Variants in PSMD14 observed in about 807,000 individuals in gnomAD.
PSMD14 encodes the protein proteasome 26S subunit, non-ATPase 14.
A neutral mutation model predicts 41.2 loss-of-function variants in PSMD14; 7 were observed. The ratio of observed to expected loss-of-function variants is 0.17; its 90% confidence interval spans 0.10 to 0.32. PSMD14 has a LOEUF of 0.32. Ranked by LOEUF, PSMD14 falls within the 10% of genes least tolerant of loss-of-function variation. The pLI, the probability that PSMD14 is intolerant of heterozygous loss-of-function variation, is 1.00. For missense variants in PSMD14, 139 were observed against 375.6 expected (o/e 0.37, Z 5.21); for synonymous variants, 114 against 122.3 (o/e 0.93, Z 0.45).
In PSMD14 at chr2:161,308,549, CCA is replaced by C. The variant is rs1250749742; in HGVS notation, c.-190_-189del. The C allele has an allele frequency of 6.6e-6, 1 of 152,378 alleles. No homozygotes were observed. Among genetic ancestry groups the C allele is most frequent in the African/African-American group, 2.4e-5 (1 of 41,466 alleles). The allele number at this position is 152,378 out of a possible 1,614,324, so 9.4% of individuals were successfully genotyped here. Reference sequence around the variant, plus strand: ...TGCTGTTGCCTCTGTCTTCGCGTCACCACAGAGGCAAGACAAGGGTCCATATC... The same window carrying C: ...TGCTGTTGCCTCTGTCTTCGCGTCACCAGAGGCAAGACAAGGGTCCATATC... On this transcript the variant is annotated 5_prime_UTR_variant, in exon 1 of 12. Coordinates refer to ENST00000409682, the MANE Select transcript of PSMD14 (RefSeq NM_005805.6).
At chr2:161,333,143 T>C (rs1183318377) in intron 3 of PSMD14, among the ~76,000 whole-genome samples, 1 of 152,244 alleles carries the variant, frequency 6.6e-6, no homozygotes, top group Non-Finnish European at 1.5e-5. Flanking sequence ...AATAATAGCA[T>C]AGAAATATAA....
intron 3 of PSMD14, among the ~76,000 whole-genome samples, chr2:161,333,235 C>T (rs1227246311): frequency 6.6e-6 from 1 of 152,108 alleles, no homozygotes; most frequent in Non-Finnish European, 1.5e-5. Context: ...AGGAAGTTTC[C>T]TTTTTTAGTA....
At chr2:161,408,929 T>C in intron 11 of PSMD14, 30 bp downstream of exon 11, 3 of 1,537,736 alleles carry the variant, frequency 2.0e-6, no homozygotes, top group Non-Finnish European at 2.7e-6. Context: ...AGTTATGCAG[T>C]TGCATAATAA....
At chr2:161,382,704 G>A (rs1683584172) in intron 7 of PSMD14, 1 of 151,678 alleles carries the variant, frequency 6.6e-6, no homozygotes. Context: ...TTAGCTCAGA[G>A]GTTTTCGTTA....
chr2:161,324,841 T>A (rs2105233485), intron 3 of PSMD14, among the ~76,000 whole-genome samples: 1 of 152,274 alleles, frequency 6.6e-6, no homozygotes, highest in African/African-American at 2.4e-5. Flanking sequence ...TTCTGTCATC[T>A]TTGAAGTTAG....
intron 3 of PSMD14, among the ~76,000 whole-genome samples, chr2:161,345,099 A>T (rs958476719): frequency 1.3e-5 from 2 of 152,180 alleles, no homozygotes; most frequent in Admixed American, 1.3e-4. Context: ...GTAGATACTC[A>T]GTTGTCTCAC....
At chr2:161,390,773 C>G (rs1271845850) in intron 8 of PSMD14, among the ~76,000 whole-genome samples, 1 of 152,044 alleles carries the variant, frequency 6.6e-6, no homozygotes, top group Non-Finnish European at 1.5e-5. Context: ...CCCTAGATAT[C>G]ATAAAGTTAG....
At chr2:161,363,732 A>G (rs1325675639) in intron 3 of PSMD14, among the ~76,000 whole-genome samples, 1 of 152,268 alleles carries the variant, frequency 6.6e-6, no homozygotes, top group East Asian at 1.9e-4. Flanking sequence ...TGTCCCCTTC[A>G]CAGGGCATTC....
intron 1 of PSMD14, among the ~76,000 whole-genome samples, chr2:161,315,725 C>A (rs1171345595): frequency 6.6e-6 from 1 of 151,816 alleles, no homozygotes; most frequent in Non-Finnish European, 1.5e-5. Flanking sequence ...GAAAAATAAC[C>A]ACTAATATTC....
chr2:161,405,585 T>C (rs1442958150), intron 10 of PSMD14, among the ~76,000 whole-genome samples: 1 of 152,204 alleles, frequency 6.6e-6, no homozygotes, highest in African/African-American at 2.4e-5. Context: ...TAATTAGTGA[T>C]GGTAGTAGAA....
chr2:161,334,523 A>G (rs896504352), intron 3 of PSMD14, among the ~76,000 whole-genome samples: 1 of 152,204 alleles, frequency 6.6e-6, no homozygotes, highest in Admixed American at 6.5e-5. Flanking sequence ...AATTAAGTAA[A>G]TTATTCAGTA....
intron 1 of PSMD14, among the ~76,000 whole-genome samples, chr2:161,309,482 T>A (rs1440126337): frequency 1.3e-5 from 2 of 152,198 alleles, no homozygotes; most frequent in South Asian, 2.1e-4. Context: ...TTTTAGTGCT[T>A]CTGACTTAAT....
At chr2:161,392,516 G>A (rs1248247764) in intron 9 of PSMD14, among the ~76,000 whole-genome samples, 1 of 152,014 alleles carries the variant, frequency 6.6e-6, no homozygotes, top group Admixed American at 6.6e-5. Context: ...TGGGGGGGAG[G>A]ATGTGCAATA....
At chr2:161,358,654 A>C (rs191810376) in intron 3 of PSMD14, among the ~76,000 whole-genome samples, 14 of 152,310 alleles carry the variant, frequency 9.2e-5, no homozygotes, top group Admixed American at 5.2e-4. Flanking sequence ...TTTCATGTTT[A>C]AAGAGCCTGG....
At chr2:161,341,682 A>G (rs1051085902) in intron 3 of PSMD14, among the ~76,000 whole-genome samples, 1 of 151,642 alleles carries the variant, frequency 6.6e-6, no homozygotes, top group Non-Finnish European at 1.5e-5. Flanking sequence ...TACTAAAAAT[A>G]CAAAAAATGA....
At chr2:161,315,541 G>T (rs1414515845) in intron 1 of PSMD14, among the ~76,000 whole-genome samples, 1 of 152,138 alleles carries the variant, frequency 6.6e-6, no homozygotes, top group Non-Finnish European at 1.5e-5. Flanking sequence ...AGATGGGTCA[G>T]TGCTTTCTAC....
intron 9 of PSMD14, among the ~76,000 whole-genome samples, chr2:161,394,009 C>T (rs1683755972): frequency 8.6e-6 from 1 of 116,376 alleles, no homozygotes; most frequent in Non-Finnish European, 1.6e-5. Flanking sequence ...CTCACTCTGT[C>T]ACCCAGGCTG....
intron 3 of PSMD14, among the ~76,000 whole-genome samples, chr2:161,355,310 G>A (rs1053233066): frequency 2.6e-5 from 4 of 152,076 alleles, no homozygotes; most frequent in Admixed American, 6.6e-5. Context: ...GTTTTCTAAT[G>A]TTTAATTCTT....
intron 3 of PSMD14, among the ~76,000 whole-genome samples, chr2:161,335,669 G>A (rs182986143): frequency 5.3e-5 from 8 of 152,306 alleles, no homozygotes; most frequent in African/African-American, 1.7e-4. Context: ...TTTACAAACC[G>A]TGTTGTAGTA....
Sources: gnomAD v4.1 joint callset for allele counts (sites outside exome capture counted in the v4.1 genomes callset) on GRCh38, gnomAD v4.1.1 for gene constraint, MANE v1.5 for transcripts, NCBI Gene and HGNC (gene_info 2026-07-23, HGNC 2026-07-21) for gene names.